MAD1L1: variants seen among roughly 807,000 people sequenced by gnomAD.
MAD1L1 encodes the protein mitotic arrest deficient 1 like 1.
Under a neutral mutation model 96.9 loss-of-function variants are expected in MAD1L1, and 95 were observed. The observed-to-expected ratio is 0.98, with a 90% CI of 0.83 to 1.16. The LOEUF (loss-of-function observed/expected upper bound fraction) is 1.16, where lower values mean the gene tolerates loss of function less well. Ranked by LOEUF, MAD1L1 falls within the 50% of genes most tolerant of loss-of-function variation. MAD1L1 has a pLI of 0.00. For missense variants in MAD1L1, 1,007 were observed against 954.4 expected (o/e 1.06, Z -0.73); for synonymous variants, 473 against 396.6 (o/e 1.19, Z -2.29).
At chr7:2,195,087 C>CAAA (rs36028754) in intron 10 of MAD1L1, among the ~76,000 whole-genome samples, 2 of 128,128 alleles carry the variant, frequency 1.6e-5, no homozygotes, top group African/African-American at 2.8e-5. Context: ...GACTCTGTCT[C>CAAA]AAAAAAAAAA....
intron 11 of MAD1L1, among the ~76,000 whole-genome samples, chr7:2,128,566 C>T (rs1008423813): frequency 6.6e-6 from 1 of 152,234 alleles, no homozygotes; most frequent in African/African-American, 2.4e-5. Context: ...CCAGAGGCCT[C>T]GCAAAGGGCA....
intron 11 of MAD1L1, among the ~76,000 whole-genome samples, chr7:2,081,923 A>G (rs1301757235): frequency 6.6e-6 from 1 of 152,216 alleles, no homozygotes; most frequent in Non-Finnish European, 1.5e-5. Flanking sequence ...CATGGCCCCA[A>G]GGTCAGGAGC....
chr7:2,180,226 G>T (rs1351093461), intron 10 of MAD1L1, among the ~76,000 whole-genome samples: 2 of 152,220 alleles, frequency 1.3e-5, no homozygotes, highest in Non-Finnish European at 2.9e-5. Context: ...GGAAAGGCCT[G>T]TGAAGGCCCT....
intron 16 of MAD1L1, among the ~76,000 whole-genome samples, chr7:1,948,753 C>T (rs1760653059): frequency 6.6e-6 from 1 of 152,176 alleles, no homozygotes; most frequent in Non-Finnish European, 1.5e-5. Context: ...GGGGCGGGGA[C>T]AGCATCCCCT....
chr7:2,125,589 C>A (rs534678144), intron 11 of MAD1L1, among the ~76,000 whole-genome samples: 101 of 152,316 alleles, frequency 6.6e-4, no homozygotes, highest in African/African-American at 2.3e-3. Flanking sequence ...ACAACCCCCA[C>A]CAGGTGAGGC....
At chr7:1,895,332 A>G (rs947058451) in intron 18 of MAD1L1, among the ~76,000 whole-genome samples, 1 of 152,176 alleles carries the variant, frequency 6.6e-6, no homozygotes, top group African/African-American at 2.4e-5. Flanking sequence ...CCTGCTTTAC[A>G]GATGAGGCAG....
chr7:2,002,529 C>T (rs1280864718), intron 13 of MAD1L1, among the ~76,000 whole-genome samples: 1 of 152,162 alleles, frequency 6.6e-6, no homozygotes, highest in African/African-American at 2.4e-5. Context: ...CTGGCAGGCT[C>T]GTGCTTAAAG....
At chr7:2,156,058 C>G (rs534402756) in intron 10 of MAD1L1, among the ~76,000 whole-genome samples, 4 of 152,298 alleles carry the variant, frequency 2.6e-5, no homozygotes, top group African/African-American at 9.6e-5. Flanking sequence ...GCGCAGGACA[C>G]GAGGATGTGC....
chr7:1,944,161 G>A (rs1388410672), intron 16 of MAD1L1, among the ~76,000 whole-genome samples: 1 of 152,206 alleles, frequency 6.6e-6, no homozygotes, highest in Non-Finnish European at 1.5e-5. Flanking sequence ...GCTCACAACA[G>A]ACAGACCCAC....
chr7:1,833,238 A>T (rs1239941829), intron 18 of MAD1L1, among the ~76,000 whole-genome samples: 1 of 152,260 alleles, frequency 6.6e-6, no homozygotes, highest in Non-Finnish European at 1.5e-5. Context: ...TATTGGTTTA[A>T]TCACAGTGAT....
At position 1,995,790 on chromosome 7, in the gene MAD1L1, G is replaced by T. The variant is rs181431231; in HGVS notation, c.1416+6275C>A. Among the ~76,000 whole-genome samples, 654 of 151,622 alleles carry T rather than the reference G, an allele frequency of 4.3e-3. 5 individuals carry two copies. The highest frequency in any genetic ancestry group is 0.015 in the African/African-American group (609 of 40,970). ...GCTGCCAGCAGCCATACAGAACCCC[G>T]GTGCCACCAGCCATACAGAACCCCG... On this transcript the variant is annotated intron_variant, in intron 14 of 18. Coordinates refer to ENST00000265854, the MANE Select transcript of MAD1L1 (RefSeq NM_001013836.2).
At chr7:1,885,125 G>T (rs919428877) in intron 18 of MAD1L1, among the ~76,000 whole-genome samples, 5 of 152,202 alleles carry the variant, frequency 3.3e-5, no homozygotes, top group Admixed American at 1.3e-4. Flanking sequence ...CTGTGGTAGA[G>T]TCATAGCAGG....
chr7:1,937,575 GACAGCCGCCCACAGCAGGGA>G (rs1252077846), intron 16 of MAD1L1, among the ~76,000 whole-genome samples: 12 of 151,466 alleles, frequency 7.9e-5, no homozygotes, highest in Admixed American at 2.0e-4. Context: ...CACAGCAGGG[GACAGCCGCCCACAGCAGGGA>G]ACAGCCGCCC....
intron 14 of MAD1L1, among the ~76,000 whole-genome samples, chr7:1,981,747 A>G (rs1780917290): frequency 6.6e-6 from 1 of 152,138 alleles, no homozygotes; most frequent in South Asian, 2.1e-4. Context: ...TGTGAGGGGG[A>G]CAACACCCCC....
At chr7:2,029,802 G>C (rs1783140416) in intron 12 of MAD1L1, among the ~76,000 whole-genome samples, 1 of 152,146 alleles carries the variant, frequency 6.6e-6, no homozygotes, top group Non-Finnish European at 1.5e-5. Flanking sequence ...AAGAGGAGGA[G>C]CCCAGCAAGT....
intron 18 of MAD1L1, among the ~76,000 whole-genome samples, chr7:1,834,174 A>G (rs1453891611): frequency 6.6e-6 from 1 of 152,218 alleles, no homozygotes; most frequent in African/African-American, 2.4e-5. Flanking sequence ...GGATGCCACT[A>G]GAGCAGAAAC....
At chr7:2,053,101 GC>G (rs924907491) in intron 12 of MAD1L1, among the ~76,000 whole-genome samples, 16 of 152,212 alleles carry the variant, frequency 1.1e-4, no homozygotes, top group Admixed American at 6.5e-5. Flanking sequence ...GCCACTGACA[GC>G]TACACGTCTT....
chr7:1,890,754 A>G (rs1422942701), intron 18 of MAD1L1, among the ~76,000 whole-genome samples: 1 of 152,132 alleles, frequency 6.6e-6, no homozygotes, highest in Non-Finnish European at 1.5e-5. Flanking sequence ...TCAGCACCTG[A>G]GAAGGGGTGC....
At chr7:2,092,671 C>T (rs1786277397) in intron 11 of MAD1L1, among the ~76,000 whole-genome samples, 2 of 152,152 alleles carry the variant, frequency 1.3e-5, no homozygotes, top group South Asian at 2.1e-4. Context: ...TTTAAGAAGG[C>T]CTTATATATT....
Sources: gnomAD v4.1 joint callset for allele counts (sites outside exome capture counted in the v4.1 genomes callset) on GRCh38, gnomAD v4.1.1 for gene constraint, MANE v1.5 for transcripts, NCBI Gene and HGNC (gene_info 2026-07-23, HGNC 2026-07-21) for gene names.